CAND2: variants seen among roughly 807,000 people sequenced by gnomAD.
CAND2 encodes cullin associated and neddylation dissociated 2 (putative), also known as cullin-associated NEDD8-dissociated protein 2.
In CAND2, 62 loss-of-function variants were observed where a neutral mutation model predicts 98.9. The observed-to-expected ratio is 0.63, with a 90% CI of 0.51 to 0.77. The LOEUF (loss-of-function observed/expected upper bound fraction) is 0.77, where lower values mean the gene tolerates loss of function less well. Ranked by LOEUF, CAND2 falls within the 30% of genes least tolerant of loss-of-function variation. CAND2 has a pLI of 0.00. For synonymous variants in CAND2, 770 were observed against 731.9 expected (o/e 1.05, Z -0.84); for missense variants, 1,501 against 1,655.2 (o/e 0.91, Z 1.62).
At chr3:12,833,704 T>C (rs2062074130) in intron 14 of CAND2, 51 bp from the exon 15 acceptor site, 2 of 1,421,740 alleles carry the variant, frequency 1.4e-6, no homozygotes, top group Non-Finnish European at 2.0e-6. Flanking sequence ...GAGGCAGTGG[T>C]GTGGGCCAGG....
chr3:12,801,049 T>A (rs2061762705), intron 1 of CAND2, among the ~76,000 whole-genome samples: 2 of 145,798 alleles, frequency 1.4e-5, no homozygotes, highest in African/African-American at 5.2e-5. Flanking sequence ...TTTTTTTTTT[T>A]TTTTTTGAGA....
chr3:12,827,669 G>T (rs2062015586), intron 13 of CAND2, 65 bp downstream of exon 13: 1 of 1,444,486 alleles, frequency 6.9e-7, no homozygotes, highest in African/African-American at 1.4e-5. Context: ...GCACCATTGG[G>T]GCCATGCTTG....
At position 12,820,079 on chromosome 3, in the gene CAND2, C is replaced by A. The variant is rs368250976; in HGVS notation, c.2945-7C>A. 8 of 1,613,120 alleles carry A rather than the reference C, an allele frequency of 5.0e-6. No homozygotes were observed. In the African/African-American group the frequency reaches 1.1e-4, roughly 22 times the overall value. On this transcript the variant is annotated splice_region_variant and splice_polypyrimidine_tract_variant and intron_variant, in intron 10 of 14. Transcript: ENST00000456430. ...CCCTCACTAACTCACCTCTTCTTGT[C>A]CTGCAGGTCGGCCACACACCCGGAG...
chr3:12,829,299 C>T (rs1459494276), intron 13 of CAND2, among the ~76,000 whole-genome samples: 1 of 152,164 alleles, frequency 6.6e-6, no homozygotes, highest in East Asian at 1.9e-4. Context: ...ATGTGCACCA[C>T]CACGCTCGGC....
chr3:12,828,871 A>C (rs1314416439), intron 13 of CAND2, among the ~76,000 whole-genome samples: 1 of 152,116 alleles, frequency 6.6e-6, no homozygotes, highest in Non-Finnish European at 1.5e-5. Context: ...TGATGTCCTC[A>C]AGGTTCATCC....
chr3:12,822,636 G>T (rs1473082880), intron 11 of CAND2, among the ~76,000 whole-genome samples: 1 of 151,986 alleles, frequency 6.6e-6, no homozygotes, highest in Admixed American at 6.6e-5. Flanking sequence ...CTTTTGGCAC[G>T]ATGAGATGCT....
At chr3:12,812,491 G>A (rs1378893926) in intron 5 of CAND2, among the ~76,000 whole-genome samples, 1 of 134,242 alleles carries the variant, frequency 7.4e-6, no homozygotes, top group Non-Finnish European at 1.5e-5. Context: ...TGCAAGCTCC[G>A]CTTCCCGGGT....
chr3:12,797,647 A>G (rs1236719421), intron 1 of CAND2, among the ~76,000 whole-genome samples: 1 of 152,216 alleles, frequency 6.6e-6, no homozygotes, highest in Non-Finnish European at 1.5e-5. Context: ...CCGTGGTCTC[A>G]TGGCCAGTTC....
At chr3:12,831,035 G>A (rs1473284807) in intron 13 of CAND2, among the ~76,000 whole-genome samples, 8 of 152,026 alleles carry the variant, frequency 5.3e-5, no homozygotes. Flanking sequence ...GTTTGGTTTT[G>A]AAATCAGGTG....
At chr3:12,827,751 C>A in intron 13 of CAND2, 147 bp downstream of exon 13, 1 of 750,776 alleles carries the variant, frequency 1.3e-6, no homozygotes, top group Non-Finnish European at 2.1e-6. Context: ...AGAAAAGGAA[C>A]CTGTGTCTCA....
intron 11 of CAND2, among the ~76,000 whole-genome samples, chr3:12,824,783 C>G (rs1477319291): frequency 6.6e-6 from 1 of 152,164 alleles, no homozygotes; most frequent in Admixed American, 6.6e-5. Context: ...TGGTTCGTGC[C>G]TGTAATCCCA....
chr3:12,823,548 G>A (rs928056485), intron 11 of CAND2, among the ~76,000 whole-genome samples: 2 of 152,172 alleles, frequency 1.3e-5, no homozygotes, highest in Non-Finnish European at 2.9e-5. Context: ...CTAACACAGT[G>A]AAACCCCGTC....
chr3:12,797,383 T>C (rs2061734417), intron 1 of CAND2, among the ~76,000 whole-genome samples: 1 of 151,894 alleles, frequency 6.6e-6, no homozygotes, highest in South Asian at 2.1e-4. Context: ...CCTGCGATTG[T>C]TCAGACCCAG....
intron 1 of CAND2, among the ~76,000 whole-genome samples, chr3:12,798,304 A>G (rs1303114803): frequency 6.6e-6 from 1 of 151,166 alleles, no homozygotes; most frequent in Non-Finnish European, 1.5e-5. Context: ...AGCTCCTATA[A>G]CTCTTGACCC....
In CAND2 at chr3:12,819,860, T is replaced by C. The variant is rs9858308; in HGVS notation, c.2945-226T>C. Among the ~76,000 whole-genome samples, 1,036 of 152,290 alleles carry C rather than the reference T, an allele frequency of 6.8e-3. 14 individuals carry two copies. The highest frequency in any genetic ancestry group is 0.023 in the African/African-American group (975 of 41,548). On this transcript the variant is annotated intron_variant, in intron 10 of 14. Coordinates refer to ENST00000456430, the MANE Select transcript of CAND2 (RefSeq NM_001162499.2). Reference sequence around the variant, plus strand: ...TTGGTTCCCTGTTTGCAGCCTGTGGTGTTACCTGAGCACTGGCAGTCCTAC... The same window carrying C: ...TTGGTTCCCTGTTTGCAGCCTGTGGCGTTACCTGAGCACTGGCAGTCCTAC...
chr3:12,810,632 G>T (rs1486397581), intron 5 of CAND2, among the ~76,000 whole-genome samples: 1 of 152,200 alleles, frequency 6.6e-6, no homozygotes, highest in African/African-American at 2.4e-5. Context: ...CAGAGAAGGG[G>T]GTTGGTTCAA....
Position 12,831,535 on chromosome 3 carries a change from G to T in CAND2, c.3446G>T (p.Arg1149Leu), listed in dbSNP as rs375163424. 9 of 1,613,656 alleles carry T rather than the reference G, an allele frequency of 5.6e-6. No homozygotes were observed. Among genetic ancestry groups the T allele is most frequent in the Non-Finnish European group, 7.6e-6 (9 of 1,179,826 alleles). Residue 1149 changes from arginine (R) to leucine (L), a missense_variant, in exon 14 of 15, where the codon CGA becomes CTA. Arg to Leu is a moderately radical substitution (Grantham distance 102). Transcript: ENST00000456430. ...CPAPVLQRVD[R>L]LIEPLRATCT... ...GCACCTGTCCTGCAGAGGGTGGACC[G>T]ACTCATTGAGCCACTAAGGGCCACC... is the stretch of plus-strand genomic sequence containing the variant.
chr3:12,822,171 T>G (rs1227057857), intron 11 of CAND2, among the ~76,000 whole-genome samples: 1 of 152,202 alleles, frequency 6.6e-6, no homozygotes, highest in Non-Finnish European at 1.5e-5. Context: ...ATTCATCAAT[T>G]TATTTGTCAT....
chr3:12,805,707 A>G (rs2124838579), intron 2 of CAND2, among the ~76,000 whole-genome samples: 1 of 152,354 alleles, frequency 6.6e-6, no homozygotes, highest in East Asian at 1.9e-4. Flanking sequence ...GTATATTAAA[A>G]CAATGTAAAA....
Sources: gnomAD v4.1 joint callset for allele counts (sites outside exome capture counted in the v4.1 genomes callset) on GRCh38, gnomAD v4.1.1 for gene constraint, MANE v1.5 for transcripts, NCBI Gene and HGNC (gene_info 2026-07-23, HGNC 2026-07-21) for gene names.